The following DNMT3B variants were observed in gnomAD, a reference collection of about 807,000 sequenced individuals.
DNMT3B encodes DNA methyltransferase 3 beta, also known as DNA (cytosine-5)-methyltransferase 3B.
In DNMT3B, 37 loss-of-function variants were observed where a neutral mutation model predicts 120.2. That is an observed-to-expected ratio of 0.31 (90% CI 0.24 to 0.40). The LOEUF is 0.40. DNMT3B is among the 10% of genes least tolerant of loss of function. The pLI, the probability that DNMT3B is intolerant of heterozygous loss-of-function variation, is 1.00. For synonymous variants in DNMT3B, 412 were observed against 442.8 expected (o/e 0.93, Z 0.87); for missense variants, 878 against 1,137.3 (o/e 0.77, Z 3.28).
intron 4 of DNMT3B, among the ~76,000 whole-genome samples, chr20:32,786,212 T>C (rs1273221273): frequency 6.6e-6 from 1 of 152,228 alleles, no homozygotes; most frequent in East Asian, 1.9e-4. Flanking sequence ...CAATCCCAAT[T>C]GGCAGGTGCC....
In DNMT3B at chr20:32,762,602, G is replaced by A. The variant is rs1568811976; in HGVS notation, c.-104G>A. On this transcript the variant is annotated 5_prime_UTR_variant, in exon 1 of 23. Coordinates refer to ENST00000328111, the MANE Select transcript of DNMT3B (RefSeq NM_006892.4). ...TCGGCGATCGGCGCCGGAGATTCGC[G>A]AGCCCAGCGCCCTGCACGGCCGCCA... 6.1e-6 allele frequency: 2 copies of A among 325,242 alleles called. No individual in the cohort carries two copies. The highest frequency in any genetic ancestry group is 1.3e-5 in the Non-Finnish European group (2 of 157,006). The allele number at this position is 325,242 out of a possible 1,614,324, so 20.1% of individuals were successfully genotyped here. A position where few individuals can be genotyped will look rare whatever the true frequency, so the allele number is the denominator to read the frequency against.
At chr20:32,780,946 C>T (rs755888380) in intron 2 of DNMT3B, among the ~76,000 whole-genome samples, 7 of 152,188 alleles carry the variant, frequency 4.6e-5, no homozygotes, top group African/African-American at 1.7e-4. Flanking sequence ...GAACTTCCTG[C>T]GAGCGTGAAA....
intron 1 of DNMT3B, chr20:32,780,117 T>C (rs753346954): frequency 2.5e-6 from 4 of 1,613,424 alleles, no homozygotes; most frequent in South Asian, 2.2e-5. Flanking sequence ...CCTGTCCACA[T>C]GGAACCAAGT....
intron 1 of DNMT3B, among the ~76,000 whole-genome samples, chr20:32,763,115 C>A (rs1406547040): frequency 1.3e-5 from 2 of 152,090 alleles, no homozygotes; most frequent in Non-Finnish European, 2.9e-5. Context: ...GGTGTAATTA[C>A]CTGGCCTCTG....
chr20:32,766,764 T>G (rs1168767515), intron 1 of DNMT3B, among the ~76,000 whole-genome samples: 1 of 152,098 alleles, frequency 6.6e-6, no homozygotes, highest in Middle Eastern at 3.2e-3. Flanking sequence ...ATTTTTGTTT[T>G]GTAAAGATGG....
At chr20:32,784,453 A>G (rs536129989) in intron 3 of DNMT3B, among the ~76,000 whole-genome samples, 1 of 152,320 alleles carries the variant, frequency 6.6e-6, no homozygotes, top group African/African-American at 2.4e-5. Context: ...CAAGTGCTTA[A>G]CACTCCAGCC....
chr20:32,796,483 A>C (rs973674449), intron 12 of DNMT3B, among the ~76,000 whole-genome samples: 2 of 152,216 alleles, frequency 1.3e-5, no homozygotes, highest in African/African-American at 4.8e-5. Flanking sequence ...CAAAATCCTT[A>C]GTGTCCCAGT....
Position 32,798,590 on chromosome 20 carries a change from G to T in DNMT3B, c.1621G>T (p.Asp541Tyr). The T allele has an allele frequency of 6.2e-7, 1 of 1,614,216 alleles. No individual in the cohort carries two copies. The highest frequency in any genetic ancestry group is 8.5e-7 in the Non-Finnish European group (1 of 1,180,054). ...RCHGVLRRRK[D>Y]WNVRLQAFFT... ...TCATGGCGTCCTGCGGCGCCGGAAG[G>T]ACTGGAACGTGCGCCTGCAGGCCTT... is the stretch of plus-strand genomic sequence containing the variant. Residue 541 changes from aspartate (D) to tyrosine (Y), a missense_variant, in exon 15 of 23, where the codon GAC becomes TAC. By Grantham distance (160) the Asp-to-Tyr change is radical. Coordinates refer to ENST00000328111, the MANE Select transcript of DNMT3B (RefSeq NM_006892.4).
At position 32,773,185 on chromosome 20, in the gene DNMT3B, C is replaced by T. The variant is rs149757010; in HGVS notation, c.-6-7133C>T. Among the ~76,000 whole-genome samples the T allele has an allele frequency of 4.0e-3, 609 of 151,264 alleles. 5 individuals are homozygous for T. The highest frequency in any genetic ancestry group is 5.5e-3 in the Non-Finnish European group (376 of 67,892). The stretch of plus-strand genomic sequence containing the variant: ...CAGGCTGGAGTGCAGTGGCTCACTG[C>T]GACGTCCACCTCCCGGGTTCAAGCG... On this transcript the variant is annotated intron_variant, in intron 1 of 22. Transcript: ENST00000328111.
At chr20:32,788,816 C>A (rs1430517647) in intron 6 of DNMT3B, 38 bp from the exon 7 acceptor site, 4 of 1,614,002 alleles carry the variant, frequency 2.5e-6, no homozygotes. Flanking sequence ...AGGATGGCCT[C>A]TCCTCACTGG....
At chr20:32,800,047 A>C in intron 16 of DNMT3B, 106 bp from the exon 17 acceptor site, 2 of 1,506,044 alleles carry the variant, frequency 1.3e-6, no homozygotes, top group Non-Finnish European at 1.8e-6. Flanking sequence ...AACGCATGTG[A>C]TACAGTCATG....
chr20:32,773,934 GTTTT>G (rs1161730284), intron 1 of DNMT3B, among the ~76,000 whole-genome samples: 4 of 69,130 alleles, frequency 5.8e-5, no homozygotes, highest in African/African-American at 2.0e-4. Context: ...CCCGGCAGTG[GTTTT>G]TTTTTTTTTT....
chr20:32,768,862 A>G (rs1163225906), intron 1 of DNMT3B, among the ~76,000 whole-genome samples: 1 of 152,022 alleles, frequency 6.6e-6, no homozygotes, highest in Non-Finnish European at 1.5e-5. Flanking sequence ...AGGAAGCCCT[A>G]CCCCGACAAT....
At chr20:32,784,911 C>T in intron 4 of DNMT3B, 52 bp downstream of exon 4, 1 of 1,547,590 alleles carries the variant, frequency 6.5e-7, no homozygotes. Context: ...CTCTACATAG[C>T]ATACATAGCA....
Position 32,779,297 on chromosome 20 carries a change from TA to T in DNMT3B, c.-6-1020del, listed in dbSNP as rs1474770396. 2.0e-5 allele frequency among the ~76,000 whole-genome samples: 3 copies of T among 152,374 alleles called. No homozygotes were observed. In the East Asian group the frequency reaches 5.8e-4, roughly 29 times the overall value. The stretch of plus-strand genomic sequence containing the variant: ...CGGGGATTTATGCCCTGAAGTTTTT[TA>T]CTCGTTCTCTATCTAATCCTGGCCC... On this transcript the variant is annotated intron_variant, in intron 1 of 22. Transcript: ENST00000328111.
At chr20:32,799,136 C>T in intron 15 of DNMT3B, 108 bp from the exon 16 acceptor site, 1 of 1,250,140 alleles carries the variant, frequency 8.0e-7, no homozygotes, top group South Asian at 1.3e-5. Context: ...TTTGCAGTGG[C>T]TACGGCAAGG....
At chr20:32,800,092 G>C in intron 16 of DNMT3B, 61 bp from the exon 17 acceptor site, 1 of 1,608,842 alleles carries the variant, frequency 6.2e-7, no homozygotes, top group Non-Finnish European at 8.5e-7. Flanking sequence ...AGGGAGTGGA[G>C]GAAATGAGCT....
rs752527055 is a variant in DNMT3B at position 32,784,765 on chromosome 20, C to T, written c.212C>T (p.Thr71Ile). ...TCATGTTTCCTTATAAAGGACTTGA[C>T]AGGCGATGGCGACGGGGAAGATGGG... ...SSLLSYTQDL[T>I]GDGDGEDGDG... The change falls in exon 4 of 23, where the codon ACA becomes ATA. Residue 71 changes from threonine to isoleucine, a missense_variant. Thr to Ile is a moderately conservative substitution (Grantham distance 89). This residue lies in a region of DNMT3B where 287 missense variants were observed against 306.2 expected (regional missense o/e 0.94). Transcript: ENST00000328111. 1.9e-6 allele frequency: 3 copies of T among 1,614,132 alleles called. No homozygotes were observed. The highest frequency in any genetic ancestry group is 2.2e-5 in the South Asian group (2 of 91,076).
intron 20 of DNMT3B, among the ~76,000 whole-genome samples, chr20:32,803,618 G>C (rs1390342464): frequency 6.6e-6 from 1 of 152,204 alleles, no homozygotes; most frequent in Admixed American, 6.5e-5. Flanking sequence ...CAATGATTTG[G>C]GGTTTATTGC....
Sources: allele counts gnomAD v4.1 joint callset (sites outside exome capture counted in the v4.1 genomes callset), GRCh38; gene constraint gnomAD v4.1.1; regional missense constraint gnomAD v4.1.1; transcripts MANE v1.5; gene names NCBI Gene and HGNC (gene_info 2026-07-23, HGNC 2026-07-21).